Variants in CAMSAP1 observed in about 807,000 individuals in gnomAD.
The protein encoded by CAMSAP1 is calmodulin-regulated spectrin-associated protein 1.
In CAMSAP1, 58 loss-of-function variants were observed where a neutral mutation model predicts 143.5. The observed-to-expected ratio is 0.40, with a 90% CI of 0.33 to 0.50. The LOEUF (loss-of-function observed/expected upper bound fraction) is 0.50. Among genes scored for constraint, CAMSAP1 ranks in the 20% least tolerant of loss-of-function variants. The pLI is 0.45. For synonymous variants in CAMSAP1, 945 were observed against 859.3 expected, an observed-to-expected ratio of 1.10 and a Z score of -1.74; for missense variants, 1,969 against 2,115.7, an observed-to-expected ratio of 0.93 and a Z score of 1.36.
chr9:135,886,015 G>A (rs1413983102), intron 1 of CAMSAP1, among the ~76,000 whole-genome samples: 2 of 151,566 alleles, frequency 1.3e-5, no homozygotes, highest in African/African-American at 4.9e-5. Context: ...AGCTGGATGT[G>A]CACAGTTCTA....
At chr9:135,893,382 G>A in intron 1 of CAMSAP1, among the ~76,000 whole-genome samples, 1 of 150,446 alleles carries the variant, frequency 6.6e-6, no homozygotes, top group Middle Eastern at 3.2e-3. Context: ...AAAGAAAAGA[G>A]AAGGAAAGGA....
Position 135,818,725 on chromosome 9 carries a change from G to T in CAMSAP1, c.3960-109C>A. The T allele has an allele frequency of 7.5e-7, 1 of 1,331,270 alleles. No individual in the cohort carries two copies. Among genetic ancestry groups the T allele is most frequent in the Non-Finnish European group, 1.0e-6 (1 of 987,634 alleles). 82.5% of individuals were successfully genotyped at this position (1,331,270 alleles called of 1,614,324 possible). ...TTTCTCGGGTTCTCCCCGGCCGCTGGGACCAAGAGTGGCCAGCCTCCACAA... is the reference window on the plus strand; with the variant it reads ...TTTCTCGGGTTCTCCCCGGCCGCTGTGACCAAGAGTGGCCAGCCTCCACAA... On this transcript the variant is annotated intron_variant, in intron 12 of 16. Coordinates refer to ENST00000389532, the MANE Select transcript of CAMSAP1 (RefSeq NM_015447.4). The surrounding 1 kb of genome is among the most constrained non-coding windows in gnomAD (Gnocchi z 7.7).
rs1010350508 is a variant in CAMSAP1, at chr9:135,822,665, C to T, written c.1996G>A (p.Glu666Lys). 9 of 1,609,190 alleles carry T rather than the reference C, an allele frequency of 5.6e-6. No homozygotes were observed. Among genetic ancestry groups the T allele is most frequent in the African/African-American group, 2.7e-5 (2 of 74,640 alleles). Reference protein sequence around the residue: ...SEFPMGIDPTETGPLSVETAG... With the variant: ...SEFPMGIDPTKTGPLSVETAG... ...GTTTCCACTGACAGTGGTCCTGTCT[C>T]GGTGGGGTCGATGCCCATGGGGAAT... The change falls in exon 11 of 17, where the codon GAG becomes AAG. Residue 666 changes from glutamate to lysine, a missense_variant. By Grantham distance (56) the Glu-to-Lys change is moderately conservative (BLOSUM62 1). Transcript: ENST00000389532. This position sits in a 1 kb window ranked among gnomAD's most constrained non-coding sequence, Gnocchi z 6.1.
chr9:135,838,259 A>G (rs1836182349), intron 7 of CAMSAP1, among the ~76,000 whole-genome samples: 1 of 148,394 alleles, frequency 6.7e-6, no homozygotes, highest in Non-Finnish European at 1.5e-5. Flanking sequence ...TTCTACAGAC[A>G]TGTCATCACG....
chr9:135,880,282 A>G (rs1028072294), intron 3 of CAMSAP1, among the ~76,000 whole-genome samples: 34 of 152,080 alleles, frequency 2.2e-4, no homozygotes, highest in Admixed American at 1.9e-3. Context: ...TCCCACATGC[A>G]CGCCGCCAGG....
At chr9:135,886,763 T>A (rs1024333293) in intron 1 of CAMSAP1, among the ~76,000 whole-genome samples, 1 of 152,164 alleles carries the variant, frequency 6.6e-6, no homozygotes, top group Non-Finnish European at 1.5e-5. Context: ...GAGGCTGCTG[T>A]GGTCACCGCC....
rs988333816 is a variant in CAMSAP1, at chr9:135,808,824, C to T, written c.*2485G>A. On this transcript the variant is annotated 3_prime_UTR_variant, in exon 17 of 17. Coordinates refer to ENST00000389532, the MANE Select transcript of CAMSAP1 (RefSeq NM_015447.4). ...TCATTTCTCTTTCAACCCTTCTGGG[C>T]TCCCAGAATTCTAGCATTACCAAGG... is the stretch of plus-strand genomic sequence containing the variant. The T allele has an allele frequency of 3.3e-5, 5 of 152,356 alleles. No homozygotes were observed. The South Asian group carries it at 1.0e-3, about 32-fold the overall frequency. The allele number at this position is 152,356 out of a possible 1,614,324, so 9.4% of individuals were successfully genotyped here.
At chr9:135,883,926 G>C (rs11103209) in intron 1 of CAMSAP1, among the ~76,000 whole-genome samples, 2,512 of 152,190 alleles carry the variant, frequency 0.017, 67 homozygotes, top group African/African-American at 0.056. Flanking sequence ...CACAAACAGC[G>C]CAGGAGCAGC....
rs1588444733 is a variant in CAMSAP1, at chr9:135,821,703, T to C, written c.2958A>G (p.Lys986=). 1.9e-6 allele frequency: 3 copies of C among 1,613,988 alleles called. No homozygotes were observed. The highest frequency in any genetic ancestry group is 2.5e-6 in the Non-Finnish European group (3 of 1,179,880). Residue 986 remains lysine (K), a synonymous_variant, in exon 11 of 17, where the codon AAA becomes AAG. Transcript: ENST00000389532. This position sits in a 1 kb window ranked among gnomAD's most constrained non-coding sequence, Gnocchi z 4.6. ...KESLAFAQQH[K]AKDPVALHEL... ...CGTGCAGAGCCACAGGGTCTTTTGC[T>C]TTATGTTGCTGAGCAAAGGCCAGGC...
intron 7 of CAMSAP1, among the ~76,000 whole-genome samples, chr9:135,839,875 A>G (rs7022840): frequency 0.96 from 145,405 of 152,060 alleles, 69,553 homozygotes; most frequent in East Asian, 1. Context: ...GCCTGGGCAC[A>G]GTTAACAGTG....
chr9:135,873,994 G>A (rs1017979052), intron 3 of CAMSAP1, among the ~76,000 whole-genome samples: 21 of 152,138 alleles, frequency 1.4e-4, no homozygotes, highest in Admixed American at 2.6e-4. Context: ...AATCGAATCC[G>A]TCAATATATA....
chr9:135,862,221 G>A (rs1231379861), intron 5 of CAMSAP1, among the ~76,000 whole-genome samples: 1 of 151,090 alleles, frequency 6.6e-6, no homozygotes, highest in Non-Finnish European at 1.5e-5. Flanking sequence ...CGAGTGGCTG[G>A]GACCACAGGC....
At position 135,811,543 on chromosome 9, in the gene CAMSAP1, C is replaced by T. The variant is rs200710413; in HGVS notation, c.4575G>A (p.Ala1525=). 4.2e-5 allele frequency: 68 copies of T among 1,605,126 alleles called. No homozygotes were observed. Among genetic ancestry groups the T allele is most frequent in the South Asian group, 7.8e-5 (7 of 89,460 alleles). Residue 1525 remains alanine (A), a synonymous_variant, in exon 17 of 17, where the codon GCG becomes GCA. Coordinates refer to ENST00000389532, the MANE Select transcript of CAMSAP1 (RefSeq NM_015447.4). The surrounding 1 kb of genome is among the most constrained non-coding windows in gnomAD (Gnocchi z 4.9). ...CAGTATCAGGATAGTAGCAGTAAAG[C>T]GCCCTGAACTGGCAGCCAGCATCAC... ...LFRDAGCQFR[A]LYCYYPDTEE...
In CAMSAP1 at chr9:135,882,743, C is replaced by T; in HGVS notation, c.423+73G>A. On this transcript the variant is annotated intron_variant, in intron 2 of 16. Transcript: ENST00000389532. The surrounding 1 kb of genome is among the most constrained non-coding windows in gnomAD (Gnocchi z 4.9). Reference sequence around the variant, plus strand: ...GCACACCGTGTTCACACCATCCATGCACCAGGTGCGCCACACGAGAGCCCA... The same window carrying T: ...GCACACCGTGTTCACACCATCCATGTACCAGGTGCGCCACACGAGAGCCCA... 3 of 1,490,026 alleles carry T rather than the reference C, an allele frequency of 2.0e-6. No individual in the cohort carries two copies. Among genetic ancestry groups the T allele is most frequent in the East Asian group, 2.5e-5 (1 of 40,500 alleles). 92.3% of individuals were successfully genotyped at this position (1,490,026 alleles called of 1,614,324 possible). A position where few individuals can be genotyped will look rare whatever the true frequency, so the allele number is the denominator to read the frequency against.
chr9:135,821,892 C>T lies in CAMSAP1; in HGVS notation c.2769G>A (p.Lys923=). The T allele has an allele frequency of 6.2e-7, 1 of 1,613,974 alleles. No individual in the cohort carries two copies. The highest frequency in any genetic ancestry group is 8.5e-7 in the Non-Finnish European group (1 of 1,179,904). The stretch of plus-strand genomic sequence containing the variant: ...GCCTGAGGGGTGGGGCAGCCTCGGC[C>T]TTGCCCTTCTTCACCACATGCAGGA... The part of the protein sequence containing the change: ...AAFLHVVKKG[K]AEAAPPLRPE... Residue 923 remains lysine (K), a synonymous_variant, in exon 11 of 17, where the codon AAG becomes AAA. Transcript: ENST00000389532. This position sits in a 1 kb window ranked among gnomAD's most constrained non-coding sequence, Gnocchi z 4.6.
intron 3 of CAMSAP1, among the ~76,000 whole-genome samples, chr9:135,874,241 G>C (rs992994143): frequency 1.3e-5 from 2 of 152,268 alleles, no homozygotes; most frequent in South Asian, 4.1e-4. Context: ...CGGAGGCCAA[G>C]GCAGGCGGAT....
chr9:135,840,433 C>G (rs1457709720), intron 7 of CAMSAP1, among the ~76,000 whole-genome samples: 1 of 152,200 alleles, frequency 6.6e-6, no homozygotes, highest in Non-Finnish European at 1.5e-5. Context: ...GGGGCTCCAG[C>G]CATGACTCAC....
Position 135,822,363 on chromosome 9 carries a change from C to T in CAMSAP1, c.2298G>A (p.Gly766=), listed in dbSNP as rs1311639367. The change falls in exon 11 of 17, where the codon GGG becomes GGA. Residue 766 remains glycine (G), a synonymous_variant. Coordinates refer to ENST00000389532, the MANE Select transcript of CAMSAP1 (RefSeq NM_015447.4). This position sits in a 1 kb window ranked among gnomAD's most constrained non-coding sequence, Gnocchi z 6.1. ...AHPVVFSRYI[G]EEESAKLQED... is the part of the protein sequence containing the mutation. ...CCTGCAGTTTGGCCGACTCTTCCTC[C>T]CCAATGTATCTGCTGAAAACCACAG... 1.2e-6 allele frequency: 2 copies of T among 1,613,862 alleles called. No individual in the cohort carries two copies. Among genetic ancestry groups the T allele is most frequent in the African/African-American group, 2.7e-5 (2 of 74,924 alleles).
At chr9:135,836,913 C>A (rs1005037804) in intron 7 of CAMSAP1, 1 of 984,094 alleles carries the variant, frequency 1.0e-6, no homozygotes, top group Non-Finnish European at 1.2e-6. Context: ...TACAGACACA[C>A]GTCACCACAC....
Sources: allele counts gnomAD v4.1 joint callset (sites outside exome capture counted in the v4.1 genomes callset), GRCh38; gene constraint gnomAD v4.1.1; non-coding constraint Gnocchi (gnomAD v3.1); transcripts MANE v1.5; gene names NCBI Gene and HGNC (gene_info 2026-07-23, HGNC 2026-07-21).